Variants in CANX observed in about 807,000 individuals in gnomAD.
The protein encoded by CANX is epididymis secretory sperm binding protein.
In CANX, 14 loss-of-function variants were observed where a neutral mutation model predicts 75.7. That is an observed-to-expected ratio of 0.19 (90% CI 0.12 to 0.29). The LOEUF is 0.29. CANX is among the 10% of genes least tolerant of loss of function. The pLI, the probability that CANX is intolerant of heterozygous loss-of-function variation, is 1.00. For missense variants in CANX, 567 were observed against 713.2 expected (o/e 0.79, Z 2.34); for synonymous variants, 227 against 236.9 (o/e 0.96, Z 0.38).
chr5:179,679,570 G>A (rs1393363818), intron 1 of CANX, among the ~76,000 whole-genome samples: 2 of 152,192 alleles, frequency 1.3e-5, no homozygotes, highest in Non-Finnish European at 2.9e-5. Flanking sequence ...AAGTAAGTAG[G>A]TACTTAAAGG....
At chr5:179,703,294 T>C (rs1195016623) in intron 1 of CANX, among the ~76,000 whole-genome samples, 2 of 150,202 alleles carry the variant, frequency 1.3e-5, no homozygotes, top group East Asian at 2.0e-4. Context: ...CTCGGGTCAC[T>C]GCATCCTCCG....
intron 4 of CANX, 148 bp from the exon 5 acceptor site, chr5:179,708,091 G>C: frequency 1.7e-6 from 1 of 585,558 alleles, no homozygotes; most frequent in South Asian, 2.2e-5. Context: ...CCTGCCCTCA[G>C]CCTCCCTAAG....
chr5:179,717,119 G>C (rs1046437162), intron 8 of CANX, among the ~76,000 whole-genome samples: 2 of 152,182 alleles, frequency 1.3e-5, no homozygotes, highest in African/African-American at 4.8e-5. Context: ...AGAAATGTCA[G>C]AAAGTGAACA....
intron 14 of CANX, 74 bp from the exon 15 acceptor site, chr5:179,728,517 G>A: frequency 1.1e-6 from 1 of 897,896 alleles, no homozygotes; most frequent in Non-Finnish European, 1.8e-6. Context: ...CAGTCTGGCT[G>A]ATCTTGAAAA....
intron 8 of CANX, 53 bp from the exon 9 acceptor site, chr5:179,719,615 G>C: frequency 1.0e-6 from 1 of 961,256 alleles, no homozygotes; most frequent in East Asian, 2.4e-5. Flanking sequence ...CCACAAAGTG[G>C]TACTATACTG....
At chr5:179,713,892 G>A (rs1777747763) in intron 7 of CANX, among the ~76,000 whole-genome samples, 1 of 152,186 alleles carries the variant, frequency 6.6e-6, no homozygotes, top group Admixed American at 6.5e-5. Context: ...TCCAGCGTGG[G>A]TCACAGAATG....
chr5:179,702,493 T>G (rs1776841594), intron 1 of CANX, among the ~76,000 whole-genome samples: 1 of 151,918 alleles, frequency 6.6e-6, no homozygotes, highest in South Asian at 2.1e-4. Context: ...GTCTTCAAAG[T>G]TCATCCATGT....
At chr5:179,700,606 TTA>T (rs1484949547) in intron 1 of CANX, 1 of 153,062 alleles carries the variant, frequency 6.5e-6, no homozygotes, top group African/African-American at 2.4e-5. Flanking sequence ...ATTTTCTGAC[TTA>T]TCTGCAAATG....
Position 179,706,346 on chromosome 5 carries a change from G to T in CANX, c.245+15G>T. ...ACTCTGTCAGGGTAAGTGTTTTCCA[G>T]AGAAATATATGTTAGAGGCAGACAT... On this transcript the variant is annotated intron_variant, in intron 3 of 14. Transcript: ENST00000247461. 1 of 1,426,052 alleles carries T rather than the reference G, an allele frequency of 7.0e-7. No individual in the cohort carries two copies. The highest frequency in any genetic ancestry group is 9.8e-7 in the Non-Finnish European group (1 of 1,015,464). 88.3% of individuals were successfully genotyped at this position (1,426,052 alleles called of 1,614,324 possible).
rs190009581 is a variant in CANX, at chr5:179,728,431, C to T, written c.1726-160C>T. 1.9e-3 allele frequency among the ~76,000 whole-genome samples: 285 copies of T among 152,298 alleles called. 1 individual carries two copies. Among genetic ancestry groups the T allele is most frequent in the Non-Finnish European group, 1.2e-3 (80 of 68,012 alleles). On this transcript the variant is annotated intron_variant, in intron 14 of 14. Coordinates refer to ENST00000247461, the MANE Select transcript of CANX (RefSeq NM_001746.4). ...ATTAGAGTAGGCATAATTCCACCACCTCTGAGACAACCATTCTTCTTGGTG... is the reference window on the plus strand; with the variant it reads ...ATTAGAGTAGGCATAATTCCACCACTTCTGAGACAACCATTCTTCTTGGTG...
intron 1 of CANX, among the ~76,000 whole-genome samples, chr5:179,703,202 C>G (rs370504533): frequency 1.3e-5 from 2 of 151,528 alleles, no homozygotes; most frequent in East Asian, 1.9e-4. Context: ...CGTGAGCCAC[C>G]GCGCCTGGTG....
chr5:179,698,426 C>T, upstream of CANX: 1 of 1,280,660 alleles, frequency 7.8e-7, no homozygotes, highest in African/African-American at 1.5e-5. Context: ...CAGTGCACGC[C>T]AATCCGGCCA....
In CANX at chr5:179,691,531, G is replaced by T. The variant is rs540733644; in HGVS notation, c.-4+12754G>T. Among the ~76,000 whole-genome samples the T allele has an allele frequency of 2.6e-3, 390 of 151,746 alleles. 1 individual carries two copies. The highest frequency in any genetic ancestry group is 4.9e-3 in the Non-Finnish European group (336 of 67,964). On this transcript the variant is annotated intron_variant, in intron 1 of 14. Coordinates refer to the CANX transcript ENST00000681674. ...GAGACCAGCTTGGGCAACACAGGGA[G>T]ATCCCATCTCTGCAAAGAAAAAAAA...
intron 10 of CANX, among the ~76,000 whole-genome samples, chr5:179,722,602 A>G (rs1778383540): frequency 6.6e-6 from 1 of 152,228 alleles, no homozygotes; most frequent in African/African-American, 2.4e-5. Context: ...AATTGGAAGT[A>G]GTTGGAATCC....
At chr5:179,679,320 C>T (rs898804024) in intron 1 of CANX, 1 of 1,382,152 alleles carries the variant, frequency 7.2e-7, no homozygotes, top group African/African-American at 1.4e-5. Context: ...GCCTCTCAAA[C>T]CGCGAGGCCG....
At chr5:179,714,940 T>G (rs1052666437) in intron 7 of CANX, among the ~76,000 whole-genome samples, 1 of 152,090 alleles carries the variant, frequency 6.6e-6, no homozygotes, top group Non-Finnish European at 1.5e-5. Flanking sequence ...AGTTTTTGTA[T>G]TTTTAGTAGA....
At chr5:179,689,384 T>G (rs942540556) in intron 1 of CANX, among the ~76,000 whole-genome samples, 3 of 141,072 alleles carry the variant, frequency 2.1e-5, no homozygotes, top group African/African-American at 7.8e-5. Flanking sequence ...AACAAGTTTT[T>G]TTTTTTTTTT....
chr5:179,709,665 C>CT, intron 6 of CANX: 34 of 420,264 alleles, frequency 8.1e-5, no homozygotes, highest in South Asian at 1.8e-4. Flanking sequence ...GTGTGCATTA[C>CT]TTTTTTTTAG....
At chr5:179,718,377 C>G (rs1031016078) in intron 8 of CANX, among the ~76,000 whole-genome samples, 1 of 152,092 alleles carries the variant, frequency 6.6e-6, no homozygotes, top group Non-Finnish European at 1.5e-5. Flanking sequence ...CAAGCGCGCA[C>G]TACTACAAAA....
Sources: gnomAD v4.1 joint callset for allele counts (sites outside exome capture counted in the v4.1 genomes callset) on GRCh38, gnomAD v4.1.1 for gene constraint, MANE v1.5 for transcripts, NCBI Gene and HGNC (gene_info 2026-07-23, HGNC 2026-07-21) for gene names.